The following PRKN variants were observed in gnomAD, a reference collection of about 807,000 sequenced individuals.
The protein encoded by PRKN is E3 ubiquitin-protein ligase parkin.
A neutral mutation model predicts 59.5 loss-of-function variants in PRKN; 56 were observed. The observed-to-expected ratio is 0.94, with a 90% CI of 0.76 to 1.18. The LOEUF is 1.18. Ranked by LOEUF, PRKN falls within the 50% of genes most tolerant of loss-of-function variation. The pLI, the probability that PRKN is intolerant of heterozygous loss-of-function variation, is 0.00. For missense variants in PRKN, 657 were observed against 596.4 expected (o/e 1.10, Z -1.06); for synonymous variants, 250 against 222.1 (o/e 1.13, Z -1.12).
At chr6:162,540,196 G>A (rs568878958) in intron 1 of PRKN, among the ~76,000 whole-genome samples, 35 of 152,210 alleles carry the variant, frequency 2.3e-4, no homozygotes, top group South Asian at 6.2e-4. Context: ...GATTACAGGC[G>A]TGAGCCACTG....
intron 5 of PRKN, among the ~76,000 whole-genome samples, chr6:162,015,995 A>G: frequency 6.6e-6 from 1 of 152,104 alleles, no homozygotes; most frequent in East Asian, 1.9e-4. Flanking sequence ...TCATTCTGAG[A>G]CTCTAAAATG....
chr6:161,441,712 C>T (rs1342139714), intron 9 of PRKN, among the ~76,000 whole-genome samples: 1 of 151,970 alleles, frequency 6.6e-6, no homozygotes, highest in Non-Finnish European at 1.5e-5. Flanking sequence ...CAGTTCTTCC[C>T]CGCAGTTCCC....
At chr6:162,192,442 ATTTTT>A (rs10534285) in intron 4 of PRKN, among the ~76,000 whole-genome samples, 67 of 74,720 alleles carry the variant, frequency 9.0e-4, no homozygotes, top group African/African-American at 3.9e-3. Context: ...AATTATAGGG[ATTTTT>A]TTTTTTTTTT....
chr6:161,400,031 A>G lies in PRKN; in HGVS notation c.1084-13154T>C, dbSNP rs905632095. 3.3e-5 allele frequency among the ~76,000 whole-genome samples: 5 copies of G among 152,156 alleles called. No individual in the cohort carries two copies. Among genetic ancestry groups the G allele is most frequent in the African/African-American group, 1.2e-4 (5 of 41,424 alleles). ...GAATCGGGTCTGCTTTTACTCTTTC[A>G]ATGCATCTCAGTTGGGACTAGCCCT... On this transcript the variant is annotated intron_variant, in intron 9 of 11. Coordinates refer to ENST00000366898, the MANE Select transcript of PRKN (RefSeq NM_004562.3). This position sits in a 1 kb window ranked among gnomAD's most constrained non-coding sequence, Gnocchi z 4.2.
At chr6:162,676,353 C>CA (rs113550545) in intron 1 of PRKN, among the ~76,000 whole-genome samples, 28,819 of 147,972 alleles carry the variant, frequency 0.19, 2,914 homozygotes, top group Admixed American at 0.33. Flanking sequence ...TTGGAAATAT[C>CA]AAAAAAAAAA....
chr6:162,125,897 A>G (rs1356113166), intron 4 of PRKN, among the ~76,000 whole-genome samples: 2 of 152,148 alleles, frequency 1.3e-5, no homozygotes, highest in African/African-American at 4.8e-5. Context: ...CTGTATTTAA[A>G]ACGGGTAGAG....
rs1778024210 is a variant in PRKN at position 161,503,134 on chromosome 6, A to G, written c.1083+45720T>C. 2.0e-5 allele frequency among the ~76,000 whole-genome samples: 3 copies of G among 152,146 alleles called. No individual in the cohort carries two copies. On this transcript the variant is annotated intron_variant, in intron 9 of 11. Transcript: ENST00000366898. The surrounding 1 kb of genome is among the most constrained non-coding windows in gnomAD (Gnocchi z 5.1). The stretch of plus-strand genomic sequence containing the variant: ...CCAAGGCTAACAGCAGGTGTGTATT[A>G]TAAAGGCAAACTGATCTCCCATGTA...
intron 5 of PRKN, among the ~76,000 whole-genome samples, chr6:161,992,067 C>T (rs916091183): frequency 7.2e-5 from 11 of 151,762 alleles, no homozygotes; most frequent in African/African-American, 2.2e-4. Context: ...AGGCTGGGCA[C>T]GGTAGCTCAC....
chr6:161,743,987 G>A (rs1030076300), intron 7 of PRKN, among the ~76,000 whole-genome samples: 10 of 152,096 alleles, frequency 6.6e-5, no homozygotes, highest in African/African-American at 2.2e-4. Flanking sequence ...TCGTGACTTC[G>A]GGGGCCTCTG....
rs571525718 is a variant in PRKN at position 162,509,760 on chromosome 6, G to A, written c.8-66287C>T. Among the ~76,000 whole-genome samples the A allele has an allele frequency of 3.2e-4, 49 of 152,220 alleles. 1 individual carries two copies. Among genetic ancestry groups the A allele is most frequent in the Middle Eastern group, 3.4e-3 (1 of 294 alleles). On this transcript the variant is annotated intron_variant, in intron 1 of 11. Coordinates refer to ENST00000366898, the MANE Select transcript of PRKN (RefSeq NM_004562.3). ...AAGTCATTAGTTGTTTTATTACATC[G>A]TTCTGTTTATTTATTTTTAATAAAA... is the stretch of plus-strand genomic sequence containing the variant.
intron 7 of PRKN, among the ~76,000 whole-genome samples, chr6:161,733,848 G>A (rs1482369655): frequency 2.1e-5 from 3 of 142,910 alleles, no homozygotes; most frequent in Non-Finnish European, 4.6e-5. Context: ...GACACAGAAT[G>A]TGTAAGTGCT....
At chr6:161,811,270 T>C (rs965758152) in intron 6 of PRKN, among the ~76,000 whole-genome samples, 1 of 152,174 alleles carries the variant, frequency 6.6e-6, no homozygotes, top group Non-Finnish European at 1.5e-5. Context: ...TTACTAATGA[T>C]TCCAAGCAGT....
intron 6 of PRKN, among the ~76,000 whole-genome samples, chr6:161,954,568 A>G (rs1780102918): frequency 6.6e-6 from 1 of 152,214 alleles, no homozygotes; most frequent in South Asian, 2.1e-4. Context: ...TTCAGAATAA[A>G]ATTAGATGAC....
At chr6:162,229,419 G>A (rs1004878697) in intron 3 of PRKN, among the ~76,000 whole-genome samples, 5 of 152,112 alleles carry the variant, frequency 3.3e-5, no homozygotes, top group East Asian at 1.9e-4. Flanking sequence ...CGTCACCCAC[G>A]CAAGCACCTG....
intron 4 of PRKN, among the ~76,000 whole-genome samples, chr6:162,154,785 T>C (rs143944433): frequency 4.6e-5 from 7 of 152,208 alleles, no homozygotes; most frequent in African/African-American, 1.7e-4. Flanking sequence ...CTTTATGAAC[T>C]CATGTACTCT....
intron 2 of PRKN, among the ~76,000 whole-genome samples, chr6:162,301,033 G>C (rs1459283444): frequency 3.3e-5 from 5 of 151,416 alleles, no homozygotes; most frequent in African/African-American, 1.2e-4. Context: ...GAAAAAAAGA[G>C]ATAATATATT....
At chr6:162,541,962 T>C (rs1017553415) in intron 1 of PRKN, among the ~76,000 whole-genome samples, 3 of 152,138 alleles carry the variant, frequency 2.0e-5, no homozygotes, top group Non-Finnish European at 2.9e-5. Flanking sequence ...ATTTGACTAA[T>C]GATTCCTGTG....
At chr6:162,128,113 T>C (rs1460987485) in intron 4 of PRKN, among the ~76,000 whole-genome samples, 5 of 152,202 alleles carry the variant, frequency 3.3e-5, no homozygotes, top group African/African-American at 1.2e-4. Flanking sequence ...CCCTCAGCTT[T>C]ACTGCAGTAA....
intron 9 of PRKN, among the ~76,000 whole-genome samples, chr6:161,481,716 T>G (rs1791409945): frequency 6.6e-6 from 1 of 152,210 alleles, no homozygotes; most frequent in Admixed American, 6.5e-5. Context: ...AAAAGGCAGC[T>G]GTCATTAAAT....
Sources: gnomAD v4.1 joint callset for allele counts (sites outside exome capture counted in the v4.1 genomes callset) on GRCh38, gnomAD v4.1.1 for gene constraint, Gnocchi (gnomAD v3.1) non-coding constraint, MANE v1.5 for transcripts, NCBI Gene and HGNC (gene_info 2026-07-23, HGNC 2026-07-21) for gene names.